COL6A2: variants seen among roughly 807,000 people sequenced by gnomAD.
COL6A2 encodes the protein collagen alpha-2(VI) chain.
In COL6A2, 90 loss-of-function variants were observed where a neutral mutation model predicts 124.9. The observed-to-expected ratio is 0.72, with a 90% confidence interval of 0.61 to 0.86. COL6A2 has a LOEUF of 0.86. Ranked by LOEUF, COL6A2 falls within the 40% of genes least tolerant of loss-of-function variation. The pLI, the probability that COL6A2 is intolerant of heterozygous loss-of-function variation, is 0.00. For synonymous variants in COL6A2, 793 were observed against 618.2 expected, an observed-to-expected ratio of 1.28 and a Z score of -4.19; for missense variants, 1,607 against 1,502.5, an observed-to-expected ratio of 1.07 and a Z score of -1.15.
At chr21:46,109,759 G>A (rs1568923620) in intron 1 of COL6A2, among the ~76,000 whole-genome samples, 1 of 152,222 alleles carries the variant, frequency 6.6e-6, no homozygotes, top group Non-Finnish European at 1.5e-5. Flanking sequence ...TGGAGTGGGT[G>A]GTGGGAGCGG....
Position 46,119,017 on chromosome 21 carries a change from T to A in COL6A2, c.1180-13T>A, listed in dbSNP as rs752239454. 6.3e-7 allele frequency: 1 copy of A among 1,596,454 alleles called. No individual in the cohort carries two copies. The highest frequency in any genetic ancestry group is 1.7e-5 in the Admixed American group (1 of 59,956). On this transcript the variant is annotated splice_polypyrimidine_tract_variant and intron_variant, in intron 13 of 27. Coordinates refer to ENST00000300527, the MANE Select transcript of COL6A2 (RefSeq NM_001849.4). ...CTGCCTCTGGGTGACTGTGCTGTCC[T>A]CTCCTTCTTCAGGGGTATCAAGGCA...
At chr21:46,118,987 G>A (rs754397316) in intron 13 of COL6A2, 43 bp from the exon 14 acceptor site, 3 of 1,455,390 alleles carry the variant, frequency 2.1e-6, no homozygotes, top group Non-Finnish European at 2.9e-6. Context: ...CATGCCTCAG[G>A]GCCCCTGCCT....
At chr21:46,130,266 G>A (rs1049595984) in intron 27 of COL6A2, among the ~76,000 whole-genome samples, 1 of 152,232 alleles carries the variant, frequency 6.6e-6, no homozygotes, top group African/African-American at 2.4e-5. Context: ...AGCACAGTCG[G>A]GGGAGCATCC....
intron 27 of COL6A2, among the ~76,000 whole-genome samples, chr21:46,126,875 C>G (rs1204366981): frequency 6.6e-6 from 1 of 152,194 alleles, no homozygotes; most frequent in Non-Finnish European, 1.5e-5. Context: ...CTCCCATGGG[C>G]TGGCCGTGCA....
chr21:46,123,279 C>T (rs1390159279), intron 21 of COL6A2, among the ~76,000 whole-genome samples: 1 of 149,398 alleles, frequency 6.7e-6, no homozygotes, highest in Non-Finnish European at 1.5e-5. Context: ...CCAGCGACCC[C>T]AACATAGCAT....
At chr21:46,123,837 G>A (rs2078609511) in intron 21 of COL6A2, among the ~76,000 whole-genome samples, 2 of 138,274 alleles carry the variant, frequency 1.4e-5, no homozygotes, top group African/African-American at 5.6e-5. Flanking sequence ...GGTGCATAAA[G>A]GATGGATGGA....
chr21:46,131,207 C>T lies in COL6A2; in HGVS notation c.2462-747C>T, dbSNP rs147929234. Among the ~76,000 whole-genome samples, 250 of 152,350 alleles carry T rather than the reference C, an allele frequency of 1.6e-3. 3 individuals carry two copies. Among genetic ancestry groups the T allele is most frequent in the African/African-American group, 4.8e-3 (201 of 41,594 alleles). On this transcript the variant is annotated intron_variant, in intron 27 of 27. Coordinates refer to ENST00000300527, the MANE Select transcript of COL6A2 (RefSeq NM_001849.4). ...GGGCCAGGTCCACGCAAGGACTGTCCGTGTCCTGTCCTGTGGTCTCTGGCC... is the reference window on the plus strand; with the variant it reads ...GGGCCAGGTCCACGCAAGGACTGTCTGTGTCCTGTCCTGTGGTCTCTGGCC...
At position 46,120,209 on chromosome 21, in the gene COL6A2, G is replaced by A. The variant is rs938801029; in HGVS notation, c.1333-306G>A. On this transcript the variant is annotated intron_variant, in intron 15 of 27. Coordinates refer to ENST00000300527, the MANE Select transcript of COL6A2 (RefSeq NM_001849.4). The stretch of plus-strand genomic sequence containing the variant: ...AGGGGTGATGCTGAAGGGCTGTGTG[G>A]TAAAACCCCGGCCACCAGCTCCCCT... 7.8e-5 allele frequency among the ~76,000 whole-genome samples: 9 copies of A among 115,494 alleles called. No individual in the cohort carries two copies. In the East Asian group the frequency reaches 9.4e-4, roughly 12 times the overall value. 75.8% of individuals were successfully genotyped at this position (115,494 alleles called of 152,430 possible).
chr21:46,130,654 G>C lies in COL6A2; in HGVS notation c.2462-1300G>C, dbSNP rs954784030. Reference sequence around the variant, plus strand: ...CCAGGCCCCACAGACACTGATGAATGGACAGAGACCCCCAAAACCAGCTGC... The same window carrying C: ...CCAGGCCCCACAGACACTGATGAATCGACAGAGACCCCCAAAACCAGCTGC... On this transcript the variant is annotated intron_variant, in intron 27 of 27. Coordinates refer to ENST00000300527, the MANE Select transcript of COL6A2 (RefSeq NM_001849.4). Among the ~76,000 whole-genome samples the C allele has an allele frequency of 3.3e-5, 5 of 152,302 alleles. No homozygotes were observed. In the South Asian group the frequency reaches 1.0e-3, roughly 32 times the overall value.
chr21:46,127,209 AGT>A (rs1176126884), intron 27 of COL6A2, among the ~76,000 whole-genome samples: 83 of 151,842 alleles, frequency 5.5e-4, no homozygotes, highest in African/African-American at 1.9e-3. Context: ...CCCCTCCAGG[AGT>A]GTGAGGGTAG....
chr21:46,114,294 ATG>A (rs1568927865), intron 5 of COL6A2, among the ~76,000 whole-genome samples: 95 of 152,106 alleles, frequency 6.2e-4, no homozygotes, highest in Admixed American at 1.9e-3. Context: ...GCGTAGTGGC[ATG>A]CGCCTGTAGT....
chr21:46,116,065 C>T lies in COL6A2; in HGVS notation c.900+12C>T, dbSNP rs369365391. The T allele has an allele frequency of 3.0e-5, 47 of 1,570,448 alleles. No individual in the cohort carries two copies. The highest frequency in any genetic ancestry group is 2.7e-4 in the African/African-American group (20 of 73,620). ...TCCCAGGACCCAAGGTGAGTGACCT[C>T]GGCCAGGGGCTTGGCTCCACCCTGA... is the stretch of plus-strand genomic sequence containing the variant. On this transcript the variant is annotated intron_variant, in intron 7 of 27. Transcript: ENST00000300527. The surrounding 1 kb of genome is among the most constrained non-coding windows in gnomAD (Gnocchi z 4.6).
At chr21:46,122,247 T>G (rs181145723) in intron 19 of COL6A2, 89 bp downstream of exon 19, 11 of 1,449,940 alleles carry the variant, frequency 7.6e-6, no homozygotes, top group Admixed American at 5.5e-5. Context: ...CCTCAAGGCC[T>G]CCTCTGTGCA....
chr21:46,108,679 A>G (rs1166701748), intron 1 of COL6A2, among the ~76,000 whole-genome samples: 1 of 152,202 alleles, frequency 6.6e-6, no homozygotes, highest in Non-Finnish European at 1.5e-5. Context: ...ACTTACATTA[A>G]TGTATTCCCT....
intron 12 of COL6A2, among the ~76,000 whole-genome samples, 177 bp from the exon 13 acceptor site, chr21:46,118,437 C>G (rs1317382203): frequency 6.6e-6 from 1 of 152,216 alleles, no homozygotes; most frequent in African/African-American, 2.4e-5. Flanking sequence ...ACACTCTGCC[C>G]TCAGCTGGCA....
At chr21:46,129,965 A>G (rs2078739663) in intron 27 of COL6A2, among the ~76,000 whole-genome samples, 1 of 152,152 alleles carries the variant, frequency 6.6e-6, no homozygotes, top group Non-Finnish European at 1.5e-5. Context: ...AGGATGTTCC[A>G]GCACCAGGTT....
chr21:46,099,889 C>CTTTTT lies in COL6A2; in HGVS notation c.-28+1735_-28+1739dup, dbSNP rs869028897. ...TCTCCACAATGGATAGCAGCACTGT[C>CTTTTT]TTTTTTTTTTTTTTTTTTTTTTTCT... is the stretch of plus-strand genomic sequence containing the variant. On this transcript the variant is annotated intron_variant, in intron 1 of 27. Transcript: ENST00000300527. Among the ~76,000 whole-genome samples, 89 of 91,830 alleles carry CTTTTT rather than the reference C, an allele frequency of 9.7e-4. 2 individuals are homozygous for CTTTTT. The highest frequency in any genetic ancestry group is 2.8e-3 in the African/African-American group (73 of 26,044). 60.2% of individuals were successfully genotyped at this position (91,830 alleles called of 152,430 possible).
intron 10 of COL6A2, among the ~76,000 whole-genome samples, chr21:46,117,066 G>C (rs1279222564): frequency 6.6e-6 from 1 of 152,188 alleles, no homozygotes; most frequent in African/African-American, 2.4e-5. Flanking sequence ...TGCACACAGA[G>C]GCCAGCAACA....
chr21:46,108,533 T>C (rs1035851401), intron 1 of COL6A2, among the ~76,000 whole-genome samples: 1 of 152,234 alleles, frequency 6.6e-6, no homozygotes, highest in Non-Finnish European at 1.5e-5. Context: ...TGTATATCCT[T>C]TATAGAGTTA....
Sources: allele counts gnomAD v4.1 joint callset (sites outside exome capture counted in the v4.1 genomes callset), GRCh38; gene constraint gnomAD v4.1.1; non-coding constraint Gnocchi (gnomAD v3.1); transcripts MANE v1.5; gene names NCBI Gene and HGNC (gene_info 2026-07-23, HGNC 2026-07-21).